Variants in CTNNA2 observed in about 807,000 individuals in gnomAD.
The protein encoded by CTNNA2 is catenin alpha-2.
A neutral mutation model predicts 101.0 loss-of-function variants in CTNNA2; 42 were observed. The observed-to-expected ratio is 0.42, with a 90% CI of 0.32 to 0.54. The LOEUF (loss-of-function observed/expected upper bound fraction) is 0.54, where lower values mean the gene tolerates loss of function less well. Among genes scored for constraint, CTNNA2 ranks in the 20% least tolerant of loss-of-function variants. The probability of loss-of-function intolerance (pLI) is 0.14; values close to 1 mark genes in which losing one functional copy is unlikely to be tolerated. For missense variants in CTNNA2, 871 were observed against 1,223.1 expected, an observed-to-expected ratio of 0.71 and a Z score of 4.29; for synonymous variants, 450 against 456.4, an observed-to-expected ratio of 0.99 and a Z score of 0.18.
Position 80,302,267 on chromosome 2 carries a change from C to T in CTNNA2, c.1057-90944C>T, listed in dbSNP as rs757689654. Reference sequence around the variant, plus strand: ...CTGGGACAATCACACCTCGCATTCCCTCGCGGGCTGCTGGTGGCAGGTACA... The same window carrying T: ...CTGGGACAATCACACCTCGCATTCCTTCGCGGGCTGCTGGTGGCAGGTACA... On this transcript the variant is annotated intron_variant, in intron 7 of 18. Coordinates refer to ENST00000402739, the MANE Select transcript of CTNNA2 (RefSeq NM_001282597.3). This position sits in a 1 kb window ranked among gnomAD's most constrained non-coding sequence, Gnocchi z 6.4. 1.1e-5 allele frequency: 18 copies of T among 1,613,470 alleles called. No homozygotes were observed. In the Admixed American group the frequency reaches 2.2e-4, roughly 19 times the overall value.
chr2:79,627,109 C>T (rs1222234161), intron 1 of CTNNA2, among the ~76,000 whole-genome samples: 1 of 152,066 alleles, frequency 6.6e-6, no homozygotes, highest in East Asian at 1.9e-4. Context: ...TCTGGGAATG[C>T]GTTTTAGCGT....
chr2:80,282,234 C>G (rs1377775298), intron 7 of CTNNA2, among the ~76,000 whole-genome samples: 5 of 151,942 alleles, frequency 3.3e-5, no homozygotes, highest in Non-Finnish European at 7.4e-5. Flanking sequence ...TCATTCACTT[C>G]AAACCATTTC....
intron 7 of CTNNA2, among the ~76,000 whole-genome samples, chr2:79,963,325 G>T (rs1228910316): frequency 6.6e-6 from 1 of 152,134 alleles, no homozygotes; most frequent in Non-Finnish European, 1.5e-5. Flanking sequence ...CTCATGTTAT[G>T]CCAGGATGGT....
intron 3 of CTNNA2, among the ~76,000 whole-genome samples, chr2:79,828,713 C>G (rs1678632802): frequency 6.6e-6 from 1 of 152,182 alleles, no homozygotes; most frequent in Non-Finnish European, 1.5e-5. Context: ...TGAGAATTAT[C>G]TGCCACATAT....
chr2:79,507,851 C>A lies in CTNNA2; in HGVS notation c.-6+2669C>A, dbSNP rs556833645. Among the ~76,000 whole-genome samples, 4 of 152,284 alleles carry A rather than the reference C, an allele frequency of 2.6e-5. No individual in the cohort carries two copies. The East Asian group carries it at 7.7e-4, about 29-fold the overall frequency. On this transcript the variant is annotated intron_variant, in intron 5 of 21. Transcript: ENST00000466387. ...ACACATATTTCTCTTAAATGAACTT[C>A]ATGCACATTATTGTTTTCTGTGTAT...
intron 9 of CTNNA2, among the ~76,000 whole-genome samples, chr2:80,453,177 A>C (rs571810877): frequency 6.6e-6 from 1 of 152,218 alleles, no homozygotes; most frequent in South Asian, 2.1e-4. Context: ...ACACTGGTGA[A>C]ATCAAATCTC....
At chr2:79,629,942 T>C (rs1679577202) in intron 1 of CTNNA2, among the ~76,000 whole-genome samples, 1 of 152,106 alleles carries the variant, frequency 6.6e-6, no homozygotes. Flanking sequence ...GCCCATATCC[T>C]AGTCAAAGCA....
chr2:79,547,684 T>G (rs1673825146), intron 1 of CTNNA2: 1 of 152,198 alleles, frequency 6.6e-6, no homozygotes, highest in South Asian at 2.1e-4. Flanking sequence ...ATGAGGTGAG[T>G]GTTCTGTCTG....
chr2:79,477,173 T>C (rs1208154873), intron 4 of CTNNA2, among the ~76,000 whole-genome samples: 3 of 143,140 alleles, frequency 2.1e-5, no homozygotes, highest in Admixed American at 6.7e-5. Flanking sequence ...TTTTTCTTTT[T>C]TTTTTTTTTG....
chr2:79,285,392 G>A (rs1047168636), intron 2 of CTNNA2, among the ~76,000 whole-genome samples: 10 of 149,300 alleles, frequency 6.7e-5, no homozygotes, highest in Non-Finnish European at 8.9e-5. Flanking sequence ...TGGGCATTTA[G>A]TGCTATAAAT....
intron 2 of CTNNA2, among the ~76,000 whole-genome samples, chr2:79,699,831 A>G (rs7566224): frequency 0.3 from 22,080 of 74,196 alleles, 1,619 homozygotes; most frequent in African/African-American, 0.31. Flanking sequence ...ACACACACAC[A>G]CGTGTGTGTA....
intron 6 of CTNNA2, among the ~76,000 whole-genome samples, chr2:79,886,478 G>A (rs901395994): frequency 2.0e-5 from 3 of 151,840 alleles, no homozygotes; most frequent in South Asian, 2.1e-4. Flanking sequence ...GCAGCCAGGC[G>A]CGGTGGCTCA....
At chr2:79,395,952 A>C (rs945178023) in intron 4 of CTNNA2, among the ~76,000 whole-genome samples, 1 of 152,136 alleles carries the variant, frequency 6.6e-6, no homozygotes, top group African/African-American at 2.4e-5. Context: ...GTACACACTC[A>C]CTTAACCATA....
intron 4 of CTNNA2, among the ~76,000 whole-genome samples, chr2:79,434,020 G>A (rs972659667): frequency 5.9e-5 from 9 of 152,108 alleles, no homozygotes; most frequent in Admixed American, 1.3e-4. Context: ...AAGGCCTGGC[G>A]CAGCAGCTCA....
At chr2:80,544,956 A>G in intron 9 of CTNNA2, 26 bp from the exon 10 acceptor site, 2 of 1,603,526 alleles carry the variant, frequency 1.2e-6, no homozygotes, top group East Asian at 2.2e-5. Context: ...CCAACCTAAT[A>G]TTCACTAAAA....
intron 3 of CTNNA2, among the ~76,000 whole-genome samples, chr2:79,364,539 C>T (rs78521107): frequency 0.035 from 5,283 of 152,186 alleles, 130 homozygotes; most frequent in Non-Finnish European, 0.056. Flanking sequence ...TCACCTTTGA[C>T]GAGAATAATA....
chr2:80,352,035 ATGTC>A (rs2149299881), intron 7 of CTNNA2, among the ~76,000 whole-genome samples: 1 of 152,150 alleles, frequency 6.6e-6, no homozygotes, highest in Non-Finnish European at 1.5e-5. Context: ...TTGTTCTTTC[ATGTC>A]TGTCTTCCCA....
intron 7 of CTNNA2, among the ~76,000 whole-genome samples, chr2:80,386,492 G>C (rs1385032664): frequency 6.6e-6 from 1 of 152,172 alleles, no homozygotes; most frequent in East Asian, 1.9e-4. Context: ...CTAAGGATAT[G>C]ATTTCTATAT....
At chr2:80,339,005 A>G (rs1008703195) in intron 7 of CTNNA2, among the ~76,000 whole-genome samples, 6 of 152,230 alleles carry the variant, frequency 3.9e-5, no homozygotes, top group African/African-American at 1.4e-4. Flanking sequence ...AGTCTACTTC[A>G]CTGTACTTCG....
Sources: allele counts gnomAD v4.1 joint callset (sites outside exome capture counted in the v4.1 genomes callset), GRCh38; gene constraint gnomAD v4.1.1; non-coding constraint Gnocchi (gnomAD v3.1); transcripts MANE v1.5; gene names NCBI Gene and HGNC (gene_info 2026-07-23, HGNC 2026-07-21).